Variants in PLCB1 observed in about 807,000 individuals in gnomAD.
The protein encoded by PLCB1 is phospholipase C beta 1.
Under a neutral mutation model 161.8 loss-of-function variants are expected in PLCB1, and 46 were observed. The observed-to-expected ratio is 0.28, with a 90% CI of 0.22 to 0.36. PLCB1 has a LOEUF of 0.36. Ranked by LOEUF, PLCB1 falls within the 10% of genes least tolerant of loss-of-function variation. The pLI, the probability that PLCB1 is intolerant of heterozygous loss-of-function variation, is 1.00. For missense variants in PLCB1, 1,016 were observed against 1,472.5 expected (o/e 0.69, Z 5.07); for synonymous variants, 517 against 503.7 (o/e 1.03, Z -0.35).
intron 19 of PLCB1, among the ~76,000 whole-genome samples, chr20:8,733,745 T>G (rs970213331): frequency 2.0e-5 from 3 of 149,886 alleles, no homozygotes; most frequent in African/African-American, 7.4e-5. Context: ...CATATGTAAC[T>G]AACCTGCACA....
chr20:8,804,614 A>G (rs929234476), intron 31 of PLCB1, among the ~76,000 whole-genome samples: 1 of 152,198 alleles, frequency 6.6e-6, no homozygotes, highest in African/African-American at 2.4e-5. Flanking sequence ...ATATTTCCCC[A>G]AATGTTTTTT....
At chr20:8,866,270 G>T (rs1374837577) in intron 31 of PLCB1, among the ~76,000 whole-genome samples, 1 of 152,154 alleles carries the variant, frequency 6.6e-6, no homozygotes, top group Non-Finnish European at 1.5e-5. Context: ...AATTTACCTG[G>T]GGGTAAGGAA....
chr20:8,256,736 A>G (rs1981441794), intron 2 of PLCB1: 1 of 152,120 alleles, frequency 6.6e-6, no homozygotes, highest in South Asian at 2.1e-4. Flanking sequence ...CATTGGAGCA[A>G]TATAAAGAAA....
At chr20:8,454,856 A>G (rs1308541212) in intron 3 of PLCB1, among the ~76,000 whole-genome samples, 7 of 151,820 alleles carry the variant, frequency 4.6e-5, no homozygotes, top group East Asian at 1.9e-4. Flanking sequence ...TACCAATTTT[A>G]TTTTCTTCTA....
chr20:8,792,060 A>C (rs1219701940), intron 31 of PLCB1: 3 of 152,478 alleles, frequency 2.0e-5, no homozygotes, highest in Non-Finnish European at 4.4e-5. Flanking sequence ...GTATTTTTAG[A>C]ATTTCCACTG....
intron 31 of PLCB1, among the ~76,000 whole-genome samples, chr20:8,811,568 C>G (rs1984822947): frequency 6.6e-6 from 1 of 151,658 alleles, no homozygotes; most frequent in Non-Finnish European, 1.5e-5. Context: ...GTTTTTCCCT[C>G]TGATAAATTA....
At chr20:8,561,783 C>T (rs1452268223) in intron 3 of PLCB1, among the ~76,000 whole-genome samples, 5 of 151,886 alleles carry the variant, frequency 3.3e-5, no homozygotes, top group Admixed American at 1.3e-4. Context: ...TAAGGATTAC[C>T]GATGTAATTG....
At chr20:8,664,489 G>A (rs999477151) in intron 9 of PLCB1, among the ~76,000 whole-genome samples, 1 of 151,984 alleles carries the variant, frequency 6.6e-6, no homozygotes, top group African/African-American at 2.4e-5. Context: ...TTTATTTAAA[G>A]TATTATACAA....
intron 3 of PLCB1, among the ~76,000 whole-genome samples, chr20:8,439,018 T>C (rs1035387799): frequency 1.3e-5 from 2 of 152,206 alleles, no homozygotes; most frequent in African/African-American, 4.8e-5. Context: ...CGTAAGGTCA[T>C]CTTAGAAGAC....
chr20:8,648,959 GA>G (rs1314639712), intron 6 of PLCB1, among the ~76,000 whole-genome samples: 2 of 149,820 alleles, frequency 1.3e-5, no homozygotes, highest in South Asian at 2.1e-4. Context: ...AAAAAAGAAA[GA>G]AAGAAAGAAA....
intron 3 of PLCB1, among the ~76,000 whole-genome samples, chr20:8,436,287 G>A (rs1186570483): frequency 2.7e-5 from 4 of 149,000 alleles, no homozygotes; most frequent in Admixed American, 6.7e-5. Flanking sequence ...CTGAGATCGC[G>A]CCACCGAACT....
At chr20:8,415,147 A>G (rs1979214684) in intron 3 of PLCB1, among the ~76,000 whole-genome samples, 1 of 152,210 alleles carries the variant, frequency 6.6e-6, no homozygotes, top group Admixed American at 6.5e-5. Flanking sequence ...TGAACTGCTT[A>G]CTTTAAATCT....
intron 3 of PLCB1, among the ~76,000 whole-genome samples, chr20:8,441,345 A>G (rs1323571344): frequency 6.6e-6 from 1 of 152,180 alleles, no homozygotes; most frequent in Admixed American, 6.5e-5. Context: ...CTGTCAGCCA[A>G]AGATTTTCTG....
At chr20:8,481,838 C>T (rs532150511) in intron 3 of PLCB1, among the ~76,000 whole-genome samples, 12 of 151,834 alleles carry the variant, frequency 7.9e-5, no homozygotes, top group Non-Finnish European at 1.6e-4. Flanking sequence ...AGTTGAAAGT[C>T]GATGTTTTCT....
intron 4 of PLCB1, among the ~76,000 whole-genome samples, chr20:8,629,828 T>TC (rs1988483858): frequency 1.4e-5 from 1 of 70,826 alleles, no homozygotes; most frequent in African/African-American, 6.2e-5. Flanking sequence ...TTTCTTTCTT[T>TC]CTTTCTTTCT....
chr20:8,474,007 A>G (rs960517093), intron 3 of PLCB1, among the ~76,000 whole-genome samples: 6 of 152,226 alleles, frequency 3.9e-5, no homozygotes, highest in Non-Finnish European at 7.3e-5. Context: ...ATTGTCTGCA[A>G]TAGTCTTGAC....
chr20:8,573,392 G>T (rs1986584550), intron 3 of PLCB1, among the ~76,000 whole-genome samples: 1 of 152,194 alleles, frequency 6.6e-6, no homozygotes, highest in Non-Finnish European at 1.5e-5. Context: ...AAATGGTGCT[G>T]TGTTTGCCGA....
chr20:8,679,362 G>T (rs1990161512), intron 9 of PLCB1, among the ~76,000 whole-genome samples: 1 of 152,096 alleles, frequency 6.6e-6, no homozygotes, highest in Admixed American at 6.5e-5. Flanking sequence ...TGTTCTCCAG[G>T]GCTCCCTTTT....
At chr20:8,230,056 CAAAAAAAAAAAAAAAAA>C (rs547874616) in intron 2 of PLCB1, among the ~76,000 whole-genome samples, 1 of 58,868 alleles carries the variant, frequency 1.7e-5, no homozygotes, top group Non-Finnish European at 3.7e-5. Flanking sequence ...GACTTGGCAG[CAAAAAAAAAAAAAAAAA>C]AAAAAAAAAA....
Sources: gnomAD v4.1 joint callset for allele counts (sites outside exome capture counted in the v4.1 genomes callset) on GRCh38, gnomAD v4.1.1 for gene constraint, MANE v1.5 for transcripts, NCBI Gene and HGNC (gene_info 2026-07-23, HGNC 2026-07-21) for gene names.